The following PGM5 variants were observed in gnomAD, a reference collection of about 807,000 sequenced individuals.
PGM5 encodes phosphoglucomutase 5.
Under a neutral mutation model 59.2 loss-of-function variants are expected in PGM5, and 23 were observed. The observed-to-expected ratio is 0.39, with a 90% CI of 0.28 to 0.55. The LOEUF is 0.55. Among genes scored for constraint, PGM5 ranks in the 20% least tolerant of loss-of-function variants. PGM5 has a pLI of 0.66. For missense variants in PGM5, 574 were observed against 748.3 expected, an observed-to-expected ratio of 0.77 and a Z score of 2.72; for synonymous variants, 214 against 286.0, an observed-to-expected ratio of 0.75 and a Z score of 2.54.
chr9:68,384,965 A>T (rs1210826864), intron 3 of PGM5, among the ~76,000 whole-genome samples: 1 of 151,946 alleles, frequency 6.6e-6, no homozygotes, highest in Non-Finnish European at 1.5e-5. Flanking sequence ...AGCTTGGAAT[A>T]ATTATGCATC....
rs150088861 is a variant in PGM5, at chr9:68,454,123, T to C, written c.1044-10970T>C. On this transcript the variant is annotated intron_variant, in intron 6 of 10. Transcript: ENST00000396396. Reference sequence around the variant, plus strand: ...GGGCAATTGGGAGCACTGCAGTTACTAGACAGAAGGAGGAGAATGCAAGCA... The same window carrying C: ...GGGCAATTGGGAGCACTGCAGTTACCAGACAGAAGGAGGAGAATGCAAGCA... 7.2e-5 allele frequency among the ~76,000 whole-genome samples: 11 copies of C among 152,306 alleles called. No homozygotes were observed. The South Asian group carries it at 2.1e-3, about 29-fold the overall frequency.
chr9:68,405,317 C>G (rs1822776059), intron 6 of PGM5: 2 of 152,284 alleles, frequency 1.3e-5, no homozygotes. Context: ...ATTTGTCCTC[C>G]AAAGCAAGAT....
intron 3 of PGM5, among the ~76,000 whole-genome samples, chr9:68,386,630 T>C (rs1179959361): frequency 6.6e-6 from 1 of 152,080 alleles, no homozygotes; most frequent in Non-Finnish European, 1.5e-5. Flanking sequence ...ACAATATACG[T>C]AAGTTTCAAA....
In PGM5 at chr9:68,529,527, T is replaced by C. The variant is rs187844961; in HGVS notation, c.1615-40T>C. The C allele has an allele frequency of 5.6e-6, 8 of 1,417,624 alleles. No individual in the cohort carries two copies. The Admixed American group carries it at 1.5e-4, about 27-fold the overall frequency. 87.8% of individuals were successfully genotyped at this position (1,417,624 alleles called of 1,614,324 possible). ...CCATCAGAATGCCCCAAAATGTAAC[T>C]GACTTGAGTTGTTCACAGACTTTCC... is the stretch of plus-strand genomic sequence containing the variant. On this transcript the variant is annotated intron_variant, in intron 10 of 10. Coordinates refer to ENST00000396396, the MANE Select transcript of PGM5 (RefSeq NM_021965.4).
chr9:68,449,212 T>C (rs1823658813), intron 6 of PGM5, among the ~76,000 whole-genome samples: 1 of 152,158 alleles, frequency 6.6e-6, no homozygotes, highest in African/African-American at 2.4e-5. Context: ...CTCCTAATAA[T>C]ATCACGTTGG....
At chr9:68,455,969 G>A (rs528460433) in intron 6 of PGM5, among the ~76,000 whole-genome samples, 25 of 152,248 alleles carry the variant, frequency 1.6e-4, no homozygotes, top group South Asian at 1.5e-3. Context: ...GCTGTTTGTC[G>A]CTGTAGAAAT....
intron 6 of PGM5, among the ~76,000 whole-genome samples, chr9:68,423,374 A>G (rs1823175001): frequency 6.6e-6 from 1 of 152,180 alleles, no homozygotes; most frequent in African/African-American, 2.4e-5. Flanking sequence ...CACCGCATCC[A>G]CACCAACATC....
chr9:68,520,303 C>CA (rs1468752666), intron 10 of PGM5, among the ~76,000 whole-genome samples: 1 of 151,322 alleles, frequency 6.6e-6, no homozygotes, highest in Non-Finnish European at 1.5e-5. Context: ...TTAAATCCCC[C>CA]AGGAAGACAC....
At chr9:68,516,621 GC>G (rs1397990295) in intron 10 of PGM5, among the ~76,000 whole-genome samples, 1 of 152,180 alleles carries the variant, frequency 6.6e-6, no homozygotes, top group East Asian at 1.9e-4. Context: ...CCACCATCTG[GC>G]CACTGAGGTC....
chr9:68,464,941 T>G, intron 6 of PGM5, 152 bp from the exon 7 acceptor site: 1 of 507,284 alleles, frequency 2.0e-6, no homozygotes, highest in Non-Finnish European at 3.5e-6. Context: ...TTCTAACTTA[T>G]GGCTTGATAT....
At chr9:68,367,553 A>G (rs1834704068) in intron 1 of PGM5, among the ~76,000 whole-genome samples, 2 of 152,218 alleles carry the variant, frequency 1.3e-5, no homozygotes, top group Admixed American at 6.5e-5. Flanking sequence ...ATCCCTGCTG[A>G]ATGTTTGGTT....
At chr9:68,469,641 T>C (rs1027476788) in intron 7 of PGM5, among the ~76,000 whole-genome samples, 4 of 152,210 alleles carry the variant, frequency 2.6e-5, no homozygotes, top group African/African-American at 7.2e-5. Context: ...TGCTGGATGC[T>C]TCCATGCATG....
chr9:68,376,783 TTC>T (rs1347266901), intron 1 of PGM5, among the ~76,000 whole-genome samples: 1 of 96,316 alleles, frequency 1.0e-5, no homozygotes, highest in Non-Finnish European at 2.1e-5. Context: ...CTTTCTTTCT[TTC>T]TTTCTTTCTT....
chr9:68,401,306 A>C (rs1448832169), intron 6 of PGM5, among the ~76,000 whole-genome samples: 1 of 150,856 alleles, frequency 6.6e-6, no homozygotes, highest in Non-Finnish European at 1.5e-5. Flanking sequence ...CAAGTGCTAA[A>C]ATATATAGTC....
At chr9:68,493,219 G>A (rs1013698656) in intron 9 of PGM5, among the ~76,000 whole-genome samples, 11 of 152,128 alleles carry the variant, frequency 7.2e-5, no homozygotes, top group African/African-American at 2.7e-4. Flanking sequence ...GCAGCTCTGT[G>A]TGTATTTAGC....
intron 9 of PGM5, among the ~76,000 whole-genome samples, chr9:68,496,287 C>T (rs1422536864): frequency 5.3e-5 from 8 of 152,110 alleles, no homozygotes; most frequent in Admixed American, 1.3e-4. Flanking sequence ...TCATTAAGTT[C>T]GTTGAAAGAA....
At chr9:68,425,453 C>A (rs1823219222) in intron 6 of PGM5, among the ~76,000 whole-genome samples, 1 of 152,102 alleles carries the variant, frequency 6.6e-6, no homozygotes, top group Non-Finnish European at 1.5e-5. Context: ...TGTTTATGTA[C>A]ATTAGAGAAG....
At chr9:68,513,605 T>C (rs940298782) in intron 10 of PGM5, among the ~76,000 whole-genome samples, 2 of 152,200 alleles carry the variant, frequency 1.3e-5, no homozygotes, top group Non-Finnish European at 2.9e-5. Context: ...TTCCGGGAGC[T>C]GATAACAAGG....
intron 9 of PGM5, among the ~76,000 whole-genome samples, chr9:68,495,519 A>G (rs1554688095): frequency 6.6e-6 from 1 of 152,254 alleles, no homozygotes; most frequent in East Asian, 1.9e-4. Flanking sequence ...TCTCAGGCAG[A>G]GCTTCATACA....
Sources: allele counts gnomAD v4.1 joint callset (sites outside exome capture counted in the v4.1 genomes callset), GRCh38; gene constraint gnomAD v4.1.1; transcripts MANE v1.5; gene names NCBI Gene and HGNC (gene_info 2026-07-23, HGNC 2026-07-21).